Variants in RBFOX3 observed in about 807,000 individuals in gnomAD.
RBFOX3 encodes RNA binding protein fox-1 homolog 3.
A neutral mutation model predicts 48.7 loss-of-function variants in RBFOX3; 17 were observed. That is an observed-to-expected ratio of 0.35 (90% CI 0.24 to 0.52). The LOEUF (loss-of-function observed/expected upper bound fraction) is 0.52, where lower values mean the gene tolerates loss of function less well. RBFOX3 is among the 20% of genes least tolerant of loss of function. RBFOX3 has a pLI of 0.94. For missense variants in RBFOX3, 382 were observed against 497.5 expected, an observed-to-expected ratio of 0.77 and a Z score of 2.21; for synonymous variants, 212 against 209.5, an observed-to-expected ratio of 1.01 and a Z score of -0.10.
rs936899850 is a variant in RBFOX3, at chr17:79,390,697, G to A, written c.-174-82873C>T. ...TCGCCATGTTGGCCAGGCTGGTCTC[G>A]AACTCCTTATCTCAGACAATCTGCC... On this transcript the variant is annotated intron_variant, in intron 2 of 14. Transcript: ENST00000693108. The surrounding 1 kb of genome is among the most constrained non-coding windows in gnomAD (Gnocchi z 4.2). 5.9e-5 allele frequency among the ~76,000 whole-genome samples: 9 copies of A among 152,230 alleles called. No individual in the cohort carries two copies. Among genetic ancestry groups the A allele is most frequent in the South Asian group, 4.1e-4 (2 of 4,820 alleles).
At chr17:79,126,487 G>A (rs778846691) in intron 4 of RBFOX3, among the ~76,000 whole-genome samples, 2 of 152,122 alleles carry the variant, frequency 1.3e-5, no homozygotes, top group African/African-American at 2.4e-5. Flanking sequence ...AGGGGGTGTG[G>A]GTTCCAGTCC....
chr17:79,291,966 T>C (rs2073353069), intron 3 of RBFOX3, among the ~76,000 whole-genome samples: 1 of 152,154 alleles, frequency 6.6e-6, no homozygotes, highest in African/African-American at 2.4e-5. Flanking sequence ...GTTGGAGGCA[T>C]GGGTTTAACT....
rs566033295 is a variant in RBFOX3, at chr17:79,216,153, G to A, written c.-34+19613C>T. On this transcript the variant is annotated intron_variant, in intron 4 of 14. Transcript: ENST00000693108. ...ACATCACAGTTGGGTTGGTGACCTG[G>A]ATATGTCACTGCCACCTCTGTGGCC... 2.0e-5 allele frequency among the ~76,000 whole-genome samples: 3 copies of A among 152,238 alleles called. No individual in the cohort carries two copies. The East Asian group carries it at 5.8e-4, about 29-fold the overall frequency.
intron 4 of RBFOX3, among the ~76,000 whole-genome samples, chr17:79,135,490 G>A (rs1339876925): frequency 6.6e-6 from 1 of 152,168 alleles, no homozygotes; most frequent in Non-Finnish European, 1.5e-5. Context: ...GCCCCTTACA[G>A]GATGCCCCCT....
At chr17:79,184,943 C>T (rs919891744) in intron 4 of RBFOX3, among the ~76,000 whole-genome samples, 2 of 152,176 alleles carry the variant, frequency 1.3e-5, no homozygotes, top group African/African-American at 4.8e-5. Context: ...CCTGTTGCAC[C>T]CACTGCAGGA....
chr17:79,124,371 T>G lies in RBFOX3; in HGVS notation c.-33-8623A>C, dbSNP rs79113498. ...GCAGATAAATGACACTGAACGAGGC[T>G]GTCTGCAAAGACTGCACTCGACATT... On this transcript the variant is annotated intron_variant, in intron 4 of 14. Transcript: ENST00000693108. Among the ~76,000 whole-genome samples the G allele has an allele frequency of 3.9e-5, 6 of 152,364 alleles. No individual in the cohort carries two copies. In the East Asian group the frequency reaches 1.2e-3, roughly 29 times the overall value.
intron 3 of RBFOX3, among the ~76,000 whole-genome samples, chr17:79,241,960 G>C (rs1439525740): frequency 6.6e-6 from 1 of 152,204 alleles, no homozygotes; most frequent in East Asian, 1.9e-4. Context: ...TAGGGAGTTA[G>C]GGCTTCCATA....
intron 3 of RBFOX3, among the ~76,000 whole-genome samples, chr17:79,268,673 C>T (rs1482199101): frequency 6.6e-6 from 1 of 152,228 alleles, no homozygotes; most frequent in Non-Finnish European, 1.5e-5. Context: ...TGACTCCAGC[C>T]CCCGTGTGAT....
Position 79,212,807 on chromosome 17 carries a change from C to T in RBFOX3, c.-34+22959G>A, listed in dbSNP as rs772381116. Among the ~76,000 whole-genome samples, 3 of 152,136 alleles carry T rather than the reference C, an allele frequency of 2.0e-5. No homozygotes were observed. Among genetic ancestry groups the T allele is most frequent in the African/African-American group, 4.8e-5 (2 of 41,438 alleles). ...TCTAAACAGAAGCCAGGCCCATTCT[C>T]TCCCTTAGGGGACCCAGACAACTTC... On this transcript the variant is annotated intron_variant, in intron 4 of 14. Coordinates refer to ENST00000693108, the MANE Select transcript of RBFOX3 (RefSeq NM_001350451.2). This position sits in a 1 kb window ranked among gnomAD's most constrained non-coding sequence, Gnocchi z 4.7.
At chr17:79,335,325 T>C (rs1354325318) in intron 2 of RBFOX3, among the ~76,000 whole-genome samples, 1 of 152,244 alleles carries the variant, frequency 6.6e-6, no homozygotes, top group Non-Finnish European at 1.5e-5. Context: ...ATGTGCCTTC[T>C]TTCACCCTTG....
chr17:79,609,215 C>T (rs1568452578), intron 1 of RBFOX3, among the ~76,000 whole-genome samples: 1 of 152,190 alleles, frequency 6.6e-6, no homozygotes, highest in Non-Finnish European at 1.5e-5. Context: ...GTTTTGCAGA[C>T]CAGTAAAACC....
At chr17:79,517,601 A>G (rs2085441971) in intron 1 of RBFOX3, among the ~76,000 whole-genome samples, 1 of 152,026 alleles carries the variant, frequency 6.6e-6, no homozygotes, top group African/African-American at 2.4e-5. Context: ...TCAATTACTC[A>G]GCAGGGAGAG....
the RBFOX3 span, among the ~76,000 whole-genome samples, chr17:79,649,525 G>A: frequency 6.6e-6 from 1 of 152,182 alleles, no homozygotes; most frequent in Non-Finnish European, 1.5e-5. Flanking sequence ...GGCCAATGTG[G>A]TGAAACCCCG....
chr17:79,349,127 C>T (rs1216376116), intron 2 of RBFOX3, among the ~76,000 whole-genome samples: 11 of 152,018 alleles, frequency 7.2e-5, no homozygotes, highest in South Asian at 2.1e-4. Context: ...CCCATCCCCA[C>T]GCCTGGCGCT....
intron 1 of RBFOX3, among the ~76,000 whole-genome samples, chr17:79,508,499 T>C (rs1019586837): frequency 4.6e-5 from 7 of 152,138 alleles, no homozygotes; most frequent in African/African-American, 1.7e-4. Flanking sequence ...GCCTCCCTCC[T>C]CTCTCTGCTC....
At chr17:79,532,126 G>A (rs1304239020) in intron 1 of RBFOX3, among the ~76,000 whole-genome samples, 3 of 151,728 alleles carry the variant, frequency 2.0e-5, no homozygotes, top group Admixed American at 6.6e-5. Context: ...AGGTGGCAGC[G>A]CCAGAATTAC....
chr17:79,123,795 C>T (rs1001168301), intron 4 of RBFOX3, among the ~76,000 whole-genome samples: 16 of 152,320 alleles, frequency 1.1e-4, no homozygotes, highest in African/African-American at 3.6e-4. Flanking sequence ...GGCCAGCCCC[C>T]GCCTTCAGGG....
intron 1 of RBFOX3, among the ~76,000 whole-genome samples, chr17:79,512,672 C>T (rs1233782405): frequency 3.7e-5 from 5 of 135,818 alleles, no homozygotes; most frequent in East Asian, 2.3e-4. Flanking sequence ...GACACCCACC[C>T]GGATACGTGT....
At position 79,535,842 on chromosome 17, in the gene RBFOX3, T is replaced by A. The variant is rs1555788594; in HGVS notation, c.-319-53244A>T. Among the ~76,000 whole-genome samples the A allele has an allele frequency of 1.3e-5, 2 of 152,190 alleles. No individual in the cohort carries two copies. The highest frequency in any genetic ancestry group is 2.9e-5 in the Non-Finnish European group (2 of 67,978). On this transcript the variant is annotated intron_variant, in intron 1 of 14. Coordinates refer to ENST00000693108, the MANE Select transcript of RBFOX3 (RefSeq NM_001350451.2). The surrounding 1 kb of genome is among the most constrained non-coding windows in gnomAD (Gnocchi z 4.5). ...AGTCCACACGGAGAGGGGCCGTGGGTTGATCTCTGCTCCCCCTCAGTCACA... is the reference window on the plus strand; with the variant it reads ...AGTCCACACGGAGAGGGGCCGTGGGATGATCTCTGCTCCCCCTCAGTCACA...
Sources: gnomAD v4.1 joint callset for allele counts (sites outside exome capture counted in the v4.1 genomes callset) on GRCh38, gnomAD v4.1.1 for gene constraint, Gnocchi (gnomAD v3.1) non-coding constraint, MANE v1.5 for transcripts, NCBI Gene and HGNC (gene_info 2026-07-23, HGNC 2026-07-21) for gene names.